The following ATG14 variants were observed in gnomAD, a reference collection of about 807,000 sequenced individuals.
ATG14 encodes beclin 1-associated autophagy-related key regulator.
In ATG14, 35 loss-of-function variants were observed where a neutral mutation model predicts 60.4. The ratio of observed to expected loss-of-function variants is 0.58; its 90% CI spans 0.44 to 0.77. ATG14 has a LOEUF of 0.77. Among genes scored for constraint, ATG14 ranks in the 30% least tolerant of loss-of-function variants. The probability of loss-of-function intolerance (pLI) is 0.00; values close to 1 mark genes in which losing one functional copy is unlikely to be tolerated. For missense variants in ATG14, 647 were observed against 626.3 expected, an observed-to-expected ratio of 1.03 and a Z score of -0.35; for synonymous variants, 234 against 228.8, an observed-to-expected ratio of 1.02 and a Z score of -0.21.
rs1392895889 is a variant in ATG14, at chr14:55,380,273, C to CAAA, written c.995+297_995+299dup. ...AAAACAACAACAACAACAACAACAA[C>CAAA]AAATCAAAGAATTCAACGGCTGCGA... is the stretch of plus-strand genomic sequence containing the variant. On this transcript the variant is annotated intron_variant, in intron 7 of 9. Coordinates refer to ENST00000247178, the MANE Select transcript of ATG14 (RefSeq NM_014924.5). Among the ~76,000 whole-genome samples, 4 of 151,838 alleles carry CAAA rather than the reference C, an allele frequency of 2.6e-5. No individual in the cohort carries two copies. The South Asian group carries it at 8.4e-4, about 32-fold the overall frequency.
intron 4 of ATG14, among the ~76,000 whole-genome samples, chr14:55,386,447 A>G (rs1266426416): frequency 2.6e-5 from 4 of 152,240 alleles, no homozygotes; most frequent in African/African-American, 9.6e-5. Flanking sequence ...ATCTAATTCA[A>G]GTTTGAAAAA....
In ATG14 at chr14:55,397,353, G is replaced by C. The variant is rs992730625; in HGVS notation, c.284+19C>G. 1 of 1,608,090 alleles carries C rather than the reference G, an allele frequency of 6.2e-7. No homozygotes were observed. Among genetic ancestry groups the C allele is most frequent in the Middle Eastern group, 1.7e-4 (1 of 6,056 alleles). On this transcript the variant is annotated intron_variant, in intron 2 of 9. Transcript: ENST00000247178. Reference sequence around the variant, plus strand: ...ACTAGATCACCTCCACAAATTAAAAGACAAAACAAAACACTCACTCTTTCT... The same window carrying C: ...ACTAGATCACCTCCACAAATTAAAACACAAAACAAAACACTCACTCTTTCT...
chr14:55,376,881 C>T (rs778425698), intron 9 of ATG14, among the ~76,000 whole-genome samples: 3 of 152,310 alleles, frequency 2.0e-5, no homozygotes, highest in East Asian at 1.9e-4. Flanking sequence ...AGCTAAGGCT[C>T]GTACAGTACA....
intron 1 of ATG14, among the ~76,000 whole-genome samples, chr14:55,409,098 G>T (rs1270102150): frequency 6.6e-6 from 1 of 152,236 alleles, no homozygotes; most frequent in Non-Finnish European, 1.5e-5. Context: ...AGTCAGGAGA[G>T]AAATGATGGT....
At chr14:55,410,472 A>G (rs1439032918) in intron 1 of ATG14, among the ~76,000 whole-genome samples, 1 of 152,212 alleles carries the variant, frequency 6.6e-6, no homozygotes, top group Non-Finnish European at 1.5e-5. Flanking sequence ...AGCAGTTTCT[A>G]AAGTCATCAA....
At chr14:55,381,272 C>T (rs886416772) in intron 6 of ATG14, among the ~76,000 whole-genome samples, 5 of 152,168 alleles carry the variant, frequency 3.3e-5, no homozygotes, top group African/African-American at 7.2e-5. Context: ...TACTGAGTGA[C>T]GAAATGAACA....
chr14:55,390,816 A>G, intron 4 of ATG14, 95 bp downstream of exon 4: 1 of 832,652 alleles, frequency 1.2e-6, no homozygotes, highest in Non-Finnish European at 1.9e-6. Flanking sequence ...CTGCCCCACC[A>G]TCCCCTTCCT....
chr14:55,393,232 A>C (rs1020876032), intron 3 of ATG14, among the ~76,000 whole-genome samples: 1 of 151,902 alleles, frequency 6.6e-6, no homozygotes. Flanking sequence ...AAACACAAAA[A>C]AACTTAGCCG....
intron 9 of ATG14, among the ~76,000 whole-genome samples, chr14:55,371,907 G>A (rs1884827547): frequency 6.6e-6 from 1 of 152,196 alleles, no homozygotes; most frequent in South Asian, 2.1e-4. Flanking sequence ...GGTGAAAGGA[G>A]TAGGACTTTC....
intron 9 of ATG14, among the ~76,000 whole-genome samples, chr14:55,374,759 G>A (rs8014477): frequency 0.3 from 45,098 of 152,032 alleles, 7,074 homozygotes; most frequent in Non-Finnish European, 0.34. Context: ...CTGGCCCAAC[G>A]CTATTGAACC....
intron 1 of ATG14, among the ~76,000 whole-genome samples, chr14:55,408,170 G>A (rs1308950797): frequency 1.3e-5 from 2 of 152,160 alleles, no homozygotes; most frequent in African/African-American, 4.8e-5. Flanking sequence ...AACTTGCTCA[G>A]GGCCAGGCAT....
In ATG14 at chr14:55,377,701, A is replaced by AT; in HGVS notation, c.1172+117dup. 4.7e-6 allele frequency: 3 copies of AT among 636,104 alleles called. No individual in the cohort carries two copies. The South Asian group carries it at 9.5e-5, about 20-fold the overall frequency. The allele number at this position is 636,104 out of a possible 1,614,324, so 39.4% of individuals were successfully genotyped here. ...GTTTCTTTCTGTATTGGACTCCACT[A>AT]TTTTTGTCCGGTTTGAGGAGTTTGG... On this transcript the variant is annotated intron_variant, in intron 9 of 9. Coordinates refer to ENST00000247178, the MANE Select transcript of ATG14 (RefSeq NM_014924.5).
intron 4 of ATG14, among the ~76,000 whole-genome samples, chr14:55,390,148 G>A (rs1157723827): frequency 6.6e-6 from 1 of 152,132 alleles, no homozygotes; most frequent in Non-Finnish European, 1.5e-5. Flanking sequence ...TCAGCTCACC[G>A]CAATCTCCGC....
intron 9 of ATG14, among the ~76,000 whole-genome samples, chr14:55,373,637 T>TTAC (rs1884864271): frequency 6.6e-6 from 1 of 151,934 alleles, no homozygotes; most frequent in African/African-American, 2.4e-5. Context: ...TTTCAGTACT[T>TTAC]TTAGTAGAGA....
intron 1 of ATG14, among the ~76,000 whole-genome samples, chr14:55,403,499 A>G (rs1425334525): frequency 6.6e-6 from 1 of 152,226 alleles, no homozygotes; most frequent in Non-Finnish European, 1.5e-5. Context: ...TTGTTTGTAA[A>G]ATAGTAAATA....
intron 7 of ATG14, among the ~76,000 whole-genome samples, chr14:55,380,104 C>T (rs2140128678): frequency 6.6e-6 from 1 of 152,182 alleles, no homozygotes; most frequent in South Asian, 2.1e-4. Context: ...AAAAATTAGC[C>T]AGGCGTGGTC....
At chr14:55,394,429 T>G (rs1330570855) in intron 3 of ATG14, among the ~76,000 whole-genome samples, 1 of 152,354 alleles carries the variant, frequency 6.6e-6, no homozygotes, top group East Asian at 1.9e-4. Context: ...TTAATTCTTT[T>G]TTAAAGTTAT....
intron 1 of ATG14, among the ~76,000 whole-genome samples, chr14:55,398,281 ATCTT>A (rs753908477): frequency 2.0e-4 from 30 of 152,102 alleles, no homozygotes; most frequent in Non-Finnish European, 3.2e-4. Context: ...CCAGTTTTCT[ATCTT>A]TATTTTCTTC....
chr14:55,384,908 G>A (rs1885097042), intron 5 of ATG14, among the ~76,000 whole-genome samples: 1 of 152,232 alleles, frequency 6.6e-6, no homozygotes, highest in South Asian at 2.1e-4. Context: ...TTACAAGATG[G>A]ACTGGGAGGT....
Sources: allele counts gnomAD v4.1 joint callset (sites outside exome capture counted in the v4.1 genomes callset), GRCh38; gene constraint gnomAD v4.1.1; transcripts MANE v1.5; gene names NCBI Gene and HGNC (gene_info 2026-07-23, HGNC 2026-07-21).